Variants in DZIP1L observed in about 807,000 individuals in gnomAD.
The protein encoded by DZIP1L is cilium assembly protein DZIP1L.
A neutral mutation model predicts 88.7 loss-of-function variants in DZIP1L; 90 were observed. The observed-to-expected ratio is 1.02, with a 90% CI of 0.86 to 1.21. The LOEUF (loss-of-function observed/expected upper bound fraction) is 1.21, where lower values mean the gene tolerates loss of function less well. Ranked by LOEUF, DZIP1L falls within the 50% of genes most tolerant of loss-of-function variation. The pLI, the probability that DZIP1L is intolerant of heterozygous loss-of-function variation, is 0.00. For missense variants in DZIP1L, 932 were observed against 955.8 expected (o/e 0.98, Z 0.33); for synonymous variants, 363 against 372.1 (o/e 0.98, Z 0.28).
At chr3:138,074,001 C>T (rs112464598) in intron 11 of DZIP1L, among the ~76,000 whole-genome samples, 1,928 of 152,038 alleles carry the variant, frequency 0.013, 43 homozygotes, top group African/African-American at 0.043. Flanking sequence ...TAACACAATC[C>T]ATAGAAGACA....
At chr3:138,072,306 G>A (rs2073169777) in intron 11 of DZIP1L, among the ~76,000 whole-genome samples, 1 of 152,132 alleles carries the variant, frequency 6.6e-6, no homozygotes, top group Non-Finnish European at 1.5e-5. Flanking sequence ...GAAGTTGCTC[G>A]AGCTTTTGAC....
chr3:138,083,611 G>A (rs564064637), intron 8 of DZIP1L, among the ~76,000 whole-genome samples: 8 of 152,198 alleles, frequency 5.3e-5, no homozygotes, highest in African/African-American at 1.9e-4. Context: ...TTGTGAAAAA[G>A]GTACTGGTTA....
At chr3:138,073,283 A>G (rs1943261397) in intron 11 of DZIP1L, among the ~76,000 whole-genome samples, 1 of 152,126 alleles carries the variant, frequency 6.6e-6, no homozygotes, top group East Asian at 1.9e-4. Context: ...AAACAAACAA[A>G]AAGAAAAAAC....
intron 1 of DZIP1L, among the ~76,000 whole-genome samples, chr3:138,106,051 TCTGA>T (rs779695769): frequency 5.3e-5 from 8 of 150,628 alleles, no homozygotes; most frequent in Non-Finnish European, 1.2e-4. Flanking sequence ...GAAGTGAGAA[TCTGA>T]CTAAGGCAAC....
chr3:138,077,417 C>A (rs1943462631), intron 11 of DZIP1L, 82 bp downstream of exon 11: 2 of 1,571,102 alleles, frequency 1.3e-6, no homozygotes, highest in Non-Finnish European at 1.7e-6. Flanking sequence ...ATGCAAAGAA[C>A]AATCGATCAT....
intron 1 of DZIP1L, among the ~76,000 whole-genome samples, chr3:138,111,795 G>C (rs1285284412): frequency 6.6e-6 from 1 of 152,066 alleles, no homozygotes; most frequent in Non-Finnish European, 1.5e-5. Context: ...AGGAGTTCAA[G>C]ACCAGCCTGG....
chr3:138,108,699 T>C (rs1302821216), intron 1 of DZIP1L, among the ~76,000 whole-genome samples: 3 of 152,196 alleles, frequency 2.0e-5, no homozygotes, highest in Non-Finnish European at 4.4e-5. Context: ...TGTGATCTTA[T>C]ACCCAACCAT....
rs546515456 is a variant in DZIP1L at position 138,083,647 on chromosome 3, TA to T, written c.1203+465del. ...AGGAATTCTGCCTAAGAATACTGTG[TA>T]AAAAACACACGCTTTGCGTTCTTCC... On this transcript the variant is annotated intron_variant, in intron 8 of 15. Transcript: ENST00000327532. Among the ~76,000 whole-genome samples, 172 of 152,332 alleles carry T rather than the reference TA, an allele frequency of 1.1e-3. 2 individuals carry two copies. The highest frequency in any genetic ancestry group is 3.4e-3 in the Middle Eastern group (1 of 294).
intron 7 of DZIP1L, among the ~76,000 whole-genome samples, chr3:138,084,498 G>C (rs776140977): frequency 6.6e-6 from 1 of 152,200 alleles, no homozygotes; most frequent in Non-Finnish European, 1.5e-5. Flanking sequence ...ACCCATTGAA[G>C]AACAGTCAGA....
In DZIP1L at chr3:138,071,626, C is replaced by G; in HGVS notation, c.1615+17G>C. On this transcript the variant is annotated intron_variant, in intron 12 of 15. Transcript: ENST00000327532. ...CTTACAGGTCACAGCCCTGAGCAAGCCCTCTCCCCAGTGTACCTGAAGGCT... is the reference window on the plus strand; with the variant it reads ...CTTACAGGTCACAGCCCTGAGCAAGGCCTCTCCCCAGTGTACCTGAAGGCT... 1 of 1,605,870 alleles carries G rather than the reference C, an allele frequency of 6.2e-7. No homozygotes were observed. The highest frequency in any genetic ancestry group is 8.5e-7 in the Non-Finnish European group (1 of 1,175,592).
At chr3:138,073,709 AG>A (rs1170191818) in intron 11 of DZIP1L, among the ~76,000 whole-genome samples, 3 of 152,202 alleles carry the variant, frequency 2.0e-5, no homozygotes, top group Non-Finnish European at 4.4e-5. Flanking sequence ...ATCCAAACCA[AG>A]ACGAATCTCT....
intron 11 of DZIP1L, among the ~76,000 whole-genome samples, chr3:138,076,208 T>C (rs1175742647): frequency 1.3e-5 from 2 of 152,036 alleles, no homozygotes; most frequent in African/African-American, 2.4e-5. Context: ...AAAACCACAA[T>C]GTGATACCAC....
chr3:138,087,022 T>G lies in DZIP1L; in HGVS notation c.1001A>C (p.Lys334Thr). 1 of 1,614,088 alleles carries G rather than the reference T, an allele frequency of 6.2e-7. No individual in the cohort carries two copies. Among genetic ancestry groups the G allele is most frequent in the Non-Finnish European group, 8.5e-7 (1 of 1,179,996 alleles). ...QALREKTEIQ[K>T]TEWKRKVKEL... ...CTTCACTTTTCTTTTCCACTCCGTT[T>G]TCTGAAAAAGATTAAAAGCTTATCA... The change falls in exon 7 of 16, where the codon AAA becomes ACA. Residue 334 changes from lysine to threonine, a missense_variant and splice_region_variant. By Grantham distance (78) the Lys-to-Thr change is moderately conservative. Coordinates refer to ENST00000327532, the MANE Select transcript of DZIP1L (RefSeq NM_173543.3).
chr3:138,099,955 T>A (rs533815510), intron 2 of DZIP1L, among the ~76,000 whole-genome samples: 1 of 152,188 alleles, frequency 6.6e-6, no homozygotes, highest in Non-Finnish European at 1.5e-5. Context: ...GTTTTTTGTA[T>A]GCTAATGAAA....
At chr3:138,090,613 TC>T (rs1481325155) in intron 5 of DZIP1L, among the ~76,000 whole-genome samples, 1 of 152,118 alleles carries the variant, frequency 6.6e-6, no homozygotes, top group Non-Finnish European at 1.5e-5. Flanking sequence ...CCCTCCACCT[TC>T]CACCTTTGGC....
Position 138,088,470 on chromosome 3 carries a change from G to A in DZIP1L, c.908C>T (p.Ser303Phe). The A allele has an allele frequency of 6.2e-7, 1 of 1,613,934 alleles. No homozygotes were observed. Among genetic ancestry groups the A allele is most frequent in the Non-Finnish European group, 8.5e-7 (1 of 1,179,926 alleles). ...CTCATCTCGCAGTGATCCCAGCTTG[G>A]ACTCCATCACACTGTGGGACTGCAG... is the stretch of plus-strand genomic sequence containing the variant. ...RALQSHSVME[S>F]KLGSLRDEES... Residue 303 changes from serine (S) to phenylalanine (F), a missense_variant, in exon 6 of 16, where the codon TCC (serine) becomes TTC (phenylalanine). Physicochemically the swap from Ser to Phe is radical, Grantham distance 155 (BLOSUM62 -2). Coordinates refer to ENST00000327532, the MANE Select transcript of DZIP1L (RefSeq NM_173543.3).
rs1281703974 is a variant in DZIP1L, at chr3:138,080,598, A to G, written c.1257T>C (p.Ala419=). 6.2e-7 allele frequency: 1 copy of G among 1,613,826 alleles called. No individual in the cohort carries two copies. Among genetic ancestry groups the G allele is most frequent in the Non-Finnish European group, 8.5e-7 (1 of 1,179,858 alleles). ...KVEGIHKVPK[A]VDTEEDSPEE... is the part of the protein sequence containing the mutation. Reference sequence around the variant, plus strand: ...CTGGAGAGTCCTCCTCTGTGTCCACAGCCTTTGGCACCTTGTGGATCCCTG... The same window carrying G: ...CTGGAGAGTCCTCCTCTGTGTCCACGGCCTTTGGCACCTTGTGGATCCCTG... The change falls in exon 10 of 16, where the codon GCT becomes GCC. Residue 419 remains alanine (A), a synonymous_variant. Coordinates refer to ENST00000327532, the MANE Select transcript of DZIP1L (RefSeq NM_173543.3).
intron 12 of DZIP1L, 100 bp from the exon 13 acceptor site, chr3:138,068,467 T>G: frequency 1.2e-6 from 1 of 839,494 alleles, no homozygotes; most frequent in Non-Finnish European, 1.7e-6. Context: ...AAATGAACAA[T>G]TACTCCCTCT....
chr3:138,098,765 A>G (rs1430258081), intron 2 of DZIP1L, among the ~76,000 whole-genome samples: 1 of 152,240 alleles, frequency 6.6e-6, no homozygotes, highest in Non-Finnish European at 1.5e-5. Flanking sequence ...CCTTTTAATC[A>G]TAAACATCAT....
Sources: allele counts gnomAD v4.1 joint callset (sites outside exome capture counted in the v4.1 genomes callset), GRCh38; gene constraint gnomAD v4.1.1; transcripts MANE v1.5; gene names NCBI Gene and HGNC (gene_info 2026-07-23, HGNC 2026-07-21).